KLHL3: variants seen among roughly 807,000 people sequenced by gnomAD.
KLHL3 encodes the protein kelch like family member 3.
In KLHL3, 19 loss-of-function variants were observed where a neutral mutation model predicts 70.5. The ratio of observed to expected loss-of-function variants is 0.27; its 90% CI spans 0.19 to 0.40. The LOEUF is 0.40. Ranked by LOEUF, KLHL3 falls within the 10% of genes least tolerant of loss-of-function variation. The pLI is 1.00. For missense variants in KLHL3, 512 were observed against 771.1 expected (o/e 0.66, Z 3.98); for synonymous variants, 258 against 290.3 (o/e 0.89, Z 1.13).
intron 8 of KLHL3, among the ~76,000 whole-genome samples, chr5:137,654,128 A>C (rs925411034): frequency 1.3e-5 from 2 of 152,214 alleles, no homozygotes; most frequent in Non-Finnish European, 2.9e-5. Context: ...AGCACATGGA[A>C]ACTTTTTGTA....
At chr5:137,679,978 CA>C (rs907643320) in intron 5 of KLHL3, among the ~76,000 whole-genome samples, 6 of 152,230 alleles carry the variant, frequency 3.9e-5, no homozygotes, top group African/African-American at 1.4e-4. Flanking sequence ...TCTGAGGAGA[CA>C]GGGGTAACCC....
intron 6 of KLHL3, among the ~76,000 whole-genome samples, chr5:137,676,407 T>C (rs1473397779): frequency 1.2e-4 from 19 of 152,214 alleles, no homozygotes; most frequent in Non-Finnish European, 2.8e-4. Flanking sequence ...TTATTGAGCA[T>C]CTCTGAAGAT....
chr5:137,698,254 A>G (rs777141276), intron 4 of KLHL3, 33 bp downstream of exon 4: 24 of 1,613,146 alleles, frequency 1.5e-5, no homozygotes, highest in Non-Finnish European at 1.8e-5. Flanking sequence ...CTGAGTGTGC[A>G]ATACACTGAG....
intron 2 of KLHL3, among the ~76,000 whole-genome samples, chr5:137,715,337 T>C (rs1223919695): frequency 1.3e-5 from 2 of 152,152 alleles, no homozygotes; most frequent in Non-Finnish European, 2.9e-5. Flanking sequence ...TAATCCCAAA[T>C]CCCTGGAATA....
Position 137,697,323 on chromosome 5 carries a change from C to G in KLHL3, c.363+964G>C, listed in dbSNP as rs1752470623. On this transcript the variant is annotated intron_variant, in intron 4 of 14. Transcript: ENST00000309755. ...GAATTAAAGGCACCTGCCACCACGC[C>G]CAGCTAATTTTTGTCTTTTCAGTAG... Among the ~76,000 whole-genome samples the G allele has an allele frequency of 2.0e-5, 3 of 152,108 alleles. No homozygotes were observed. The South Asian group carries it at 6.2e-4, about 32-fold the overall frequency.
At position 137,695,581 on chromosome 5, in the gene KLHL3, C is replaced by T. The variant is rs138178678; in HGVS notation, c.363+2706G>A. On this transcript the variant is annotated intron_variant, in intron 4 of 14. Transcript: ENST00000309755. ...CTCAGGGATAAATTAGGGCCCCATCCAATGGGGTTCTGGGATCTAGACACA... is the reference window on the plus strand; with the variant it reads ...CTCAGGGATAAATTAGGGCCCCATCTAATGGGGTTCTGGGATCTAGACACA... Among the ~76,000 whole-genome samples the T allele has an allele frequency of 3.3e-3, 510 of 152,288 alleles. 2 individuals are homozygous for T. Among genetic ancestry groups the T allele is most frequent in the Non-Finnish European group, 5.4e-3 (368 of 68,030 alleles).
chr5:137,708,319 G>T (rs1345109374), intron 3 of KLHL3, among the ~76,000 whole-genome samples: 1 of 152,188 alleles, frequency 6.6e-6, no homozygotes, highest in African/African-American at 2.4e-5. Flanking sequence ...GTCTTGCCCA[G>T]CTGTGTACCA....
chr5:137,695,995 G>A lies in KLHL3; in HGVS notation c.363+2292C>T, dbSNP rs1752436101. Among the ~76,000 whole-genome samples the A allele has an allele frequency of 2.0e-5, 3 of 152,232 alleles. No individual in the cohort carries two copies. The South Asian group carries it at 6.2e-4, about 32-fold the overall frequency. On this transcript the variant is annotated intron_variant, in intron 4 of 14. Transcript: ENST00000309755. ...GTTCTTGGAAAACAGGCCCTGAAAT[G>A]GCCCCCAGCAAGAGTCTACAGGTTA...
rs1160857829 is a variant in KLHL3, at chr5:137,720,445, G to A, written c.134+20C>T. ...GGACAAGTTCCTTCTGCAAGGGCAC[G>A]GACAAGATAGAAAAAGTACCTCCGC... On this transcript the variant is annotated intron_variant, in intron 2 of 14. Coordinates refer to ENST00000309755, the MANE Select transcript of KLHL3 (RefSeq NM_017415.3). 1.5e-5 allele frequency: 25 copies of A among 1,613,760 alleles called. 1 individual carries two copies. Among genetic ancestry groups the A allele is most frequent in the East Asian group, 1.1e-4 (5 of 44,894 alleles).
At position 137,687,727 on chromosome 5, in the gene KLHL3, G is replaced by A. The variant is rs1580762495; in HGVS notation, c.526+4558C>T. 4.0e-5 allele frequency among the ~76,000 whole-genome samples: 2 copies of A among 49,522 alleles called. 1 individual carries two copies. The highest frequency in any genetic ancestry group is 7.6e-5 in the Non-Finnish European group (2 of 26,196). 32.5% of individuals were successfully genotyped at this position (49,522 alleles called of 152,430 possible). ...TGGCGGTTTTGTGGAATAGAAAGGC[G>A]GGAAGGGTGGGGGAAAAATTGAGAA... is the stretch of plus-strand genomic sequence containing the variant. On this transcript the variant is annotated intron_variant, in intron 5 of 14. Transcript: ENST00000309755.
At chr5:137,677,015 C>T (rs1415779079) in intron 6 of KLHL3, among the ~76,000 whole-genome samples, 1 of 152,106 alleles carries the variant, frequency 6.6e-6, no homozygotes, top group Non-Finnish European at 1.5e-5. Context: ...TAAATAGTGG[C>T]AGCTTTGTCA....
intron 3 of KLHL3, among the ~76,000 whole-genome samples, chr5:137,702,791 A>G (rs570504915): frequency 6.6e-6 from 1 of 152,336 alleles, no homozygotes; most frequent in Admixed American, 6.5e-5. Flanking sequence ...TACGTAGACC[A>G]TTAGGGCCTT....
chr5:137,670,762 G>A (rs975795344), intron 6 of KLHL3, among the ~76,000 whole-genome samples: 1 of 151,890 alleles, frequency 6.6e-6, no homozygotes, highest in Non-Finnish European at 1.5e-5. Flanking sequence ...GAGGTCAGGA[G>A]TTCAAGACTA....
At chr5:137,635,553 T>C (rs1055907971) in intron 11 of KLHL3, among the ~76,000 whole-genome samples, 44 of 152,192 alleles carry the variant, frequency 2.9e-4, no homozygotes, top group African/African-American at 1.0e-3. Context: ...TTCAGTGTCA[T>C]TCAAACTGTA....
intron 8 of KLHL3, among the ~76,000 whole-genome samples, chr5:137,649,707 C>T (rs963680026): frequency 7.2e-5 from 11 of 152,130 alleles, no homozygotes; most frequent in Non-Finnish European, 1.6e-4. Context: ...TCCTCATCTG[C>T]AAAATGGGGA....
chr5:137,639,115 C>G lies in KLHL3; in HGVS notation c.1057G>C (p.Gly353Arg). ...ACCCGCAGTGAGCCATTAAACCCTC[C>G]CACGGCATACACGTGGCCAGCCATG... Reference protein sequence around the residue: ...VFMAGHVYAVGGFNGSLRVRT... With the variant: ...VFMAGHVYAVRGFNGSLRVRT... The change falls in exon 10 of 15, where the codon GGA becomes CGA. Residue 353 changes from glycine (G) to arginine (R), a missense_variant. Coordinates refer to ENST00000309755, the MANE Select transcript of KLHL3 (RefSeq NM_017415.3). This position sits in a 1 kb window ranked among gnomAD's most constrained non-coding sequence, Gnocchi z 5.0. 1 of 1,613,982 alleles carries G rather than the reference C, an allele frequency of 6.2e-7. No homozygotes were observed. The highest frequency in any genetic ancestry group is 8.5e-7 in the Non-Finnish European group (1 of 1,179,958).
intron 5 of KLHL3, among the ~76,000 whole-genome samples, chr5:137,691,239 C>T: frequency 6.6e-6 from 1 of 152,026 alleles, no homozygotes; most frequent in East Asian, 1.9e-4. Flanking sequence ...TTATTAACTG[C>T]CCTTCTTATT....
intron 2 of KLHL3, 67 bp from the exon 3 acceptor site, chr5:137,709,923 T>A: frequency 1.6e-6 from 2 of 1,266,934 alleles, no homozygotes; most frequent in African/African-American, 1.5e-5. Flanking sequence ...CTTACAAGGG[T>A]ATTTTTTTCT....
At position 137,677,661 on chromosome 5, in the gene KLHL3, C is replaced by CAAA; in HGVS notation, c.527-10_527-8dup. 65 of 1,245,936 alleles carry CAAA rather than the reference C, an allele frequency of 5.2e-5. No homozygotes were observed. Among genetic ancestry groups the CAAA allele is most frequent in the Admixed American group, 7.8e-5 (3 of 38,448 alleles). 77.2% of individuals were successfully genotyped at this position (1,245,936 alleles called of 1,614,324 possible). A position where few individuals can be genotyped will look rare whatever the true frequency, so the allele number is the denominator to read the frequency against. On this transcript the variant is annotated splice_polypyrimidine_tract_variant and splice_region_variant and intron_variant, in intron 5 of 14. Transcript: ENST00000309755. ...ACCTCTGGAAAGTGCTGCTCTGTTCCAAAAAAAAAAAAAAGAAGTTAAGAA... is the reference window on the plus strand; with the variant it reads ...ACCTCTGGAAAGTGCTGCTCTGTTCCAAAAAAAAAAAAAAAAAGAAGTTAAGAA...
Sources: gnomAD v4.1 joint callset for allele counts (sites outside exome capture counted in the v4.1 genomes callset) on GRCh38, gnomAD v4.1.1 for gene constraint, Gnocchi (gnomAD v3.1) non-coding constraint, MANE v1.5 for transcripts, NCBI Gene and HGNC (gene_info 2026-07-23, HGNC 2026-07-21) for gene names.